The following EPHA6 variants were observed in gnomAD, a reference collection of about 807,000 sequenced individuals.
EPHA6 encodes ephrin type-A receptor 6.
A neutral mutation model predicts 112.0 loss-of-function variants in EPHA6; 50 were observed. That is an observed-to-expected ratio of 0.45 (90% CI 0.36 to 0.56). The LOEUF is 0.56. Ranked by LOEUF, EPHA6 falls within the 20% of genes least tolerant of loss-of-function variation. The pLI is 0.00. For missense variants in EPHA6, 1,280 were observed against 1,417.4 expected (o/e 0.90, Z 1.56); for synonymous variants, 529 against 490.7 (o/e 1.08, Z -1.03).
chr3:97,666,310 T>A (rs576838758), intron 14 of EPHA6, among the ~76,000 whole-genome samples: 119 of 152,300 alleles, frequency 7.8e-4, no homozygotes, highest in South Asian at 3.9e-3. Context: ...TCTATCACTG[T>A]GTTAGTTTGC....
rs988696759 is a variant in EPHA6 at position 97,315,963 on chromosome 3, AAGTCAGGCC to A, written c.1606+71677_1606+71685del. On this transcript the variant is annotated intron_variant, in intron 5 of 17. Transcript: ENST00000389672. ...TATCCCATAAAGCTATCTTTCATTA[AAGTCAGGCC>A]TGTTAGAGCTGTGTCTACGTAAAAA... Among the ~76,000 whole-genome samples the A allele has an allele frequency of 3.5e-4, 53 of 151,946 alleles. 1 individual carries two copies. The highest frequency in any genetic ancestry group is 3.4e-3 in the Middle Eastern group (1 of 294).
At chr3:97,641,767 C>T (rs1289812527) in intron 14 of EPHA6, among the ~76,000 whole-genome samples, 3 of 152,214 alleles carry the variant, frequency 2.0e-5, no homozygotes, top group East Asian at 3.9e-4. Context: ...GATTATATCC[C>T]ACACCTGGCT....
intron 3 of EPHA6, among the ~76,000 whole-genome samples, chr3:97,157,921 G>A (rs769303819): frequency 2.0e-4 from 31 of 152,016 alleles, no homozygotes; most frequent in Non-Finnish European, 4.1e-4. Flanking sequence ...CAAATGTCTA[G>A]GTATTCCATG....
chr3:96,857,682 C>G (rs1264680797), intron 1 of EPHA6, among the ~76,000 whole-genome samples: 8 of 150,906 alleles, frequency 5.3e-5, no homozygotes, highest in Non-Finnish European at 1.2e-4. Flanking sequence ...ATTTTTCCTG[C>G]CCATTTCTCT....
chr3:97,561,203 C>T (rs139878474), intron 11 of EPHA6, among the ~76,000 whole-genome samples: 12 of 152,046 alleles, frequency 7.9e-5, no homozygotes, highest in East Asian at 3.9e-4. Context: ...AAGGAAGAGT[C>T]GCATATCTCT....
chr3:97,202,744 C>G (rs969543097), intron 3 of EPHA6, among the ~76,000 whole-genome samples: 2 of 152,164 alleles, frequency 1.3e-5, no homozygotes, highest in Non-Finnish European at 2.9e-5. Context: ...TCAACAAACA[C>G]TTTCTGAGCA....
At chr3:97,069,838 A>G (rs1443918641) in intron 3 of EPHA6, among the ~76,000 whole-genome samples, 1 of 152,160 alleles carries the variant, frequency 6.6e-6, no homozygotes, top group East Asian at 1.9e-4. Context: ...AAATATTATA[A>G]TTCAACATGT....
chr3:97,470,854 A>C (rs2091209269), intron 7 of EPHA6, among the ~76,000 whole-genome samples: 1 of 151,742 alleles, frequency 6.6e-6, no homozygotes, highest in Admixed American at 6.6e-5. Context: ...GTCCAAGAAT[A>C]CAAGCTAACA....
intron 5 of EPHA6, among the ~76,000 whole-genome samples, chr3:97,355,577 C>T (rs761611758): frequency 2.0e-5 from 3 of 151,982 alleles, no homozygotes; most frequent in Admixed American, 6.6e-5. Context: ...TAGAGAAAAT[C>T]ACCTTCACAA....
At chr3:97,206,466 C>T (rs975224794) in intron 3 of EPHA6, among the ~76,000 whole-genome samples, 10 of 152,014 alleles carry the variant, frequency 6.6e-5, no homozygotes, top group South Asian at 2.1e-4. Flanking sequence ...TATTTGAGTT[C>T]GTTTCCTCTC....
intron 3 of EPHA6, among the ~76,000 whole-genome samples, chr3:97,012,626 T>TATGTA (rs537562009): frequency 1.6e-5 from 2 of 124,422 alleles, no homozygotes; most frequent in Admixed American, 9.2e-5. Flanking sequence ...TATATATGTA[T>TATGTA]TTTTTTTTTT....
chr3:97,081,124 A>G (rs1682436312), intron 3 of EPHA6, among the ~76,000 whole-genome samples: 1 of 151,878 alleles, frequency 6.6e-6, no homozygotes, highest in Non-Finnish European at 1.5e-5. Context: ...ATTGGCACTA[A>G]AAAGATGTAA....
At chr3:96,954,064 A>G (rs144797843) in intron 2 of EPHA6, among the ~76,000 whole-genome samples, 1 of 151,796 alleles carries the variant, frequency 6.6e-6, no homozygotes, top group African/African-American at 2.4e-5. Context: ...TGTAAAGATG[A>G]AGTCTTGCTG....
intron 3 of EPHA6, among the ~76,000 whole-genome samples, chr3:97,080,432 C>G (rs1228003610): frequency 1.3e-5 from 2 of 151,994 alleles, no homozygotes; most frequent in Non-Finnish European, 2.9e-5. Flanking sequence ...GGAGAACTCT[C>G]CAAAAGTGCT....
In EPHA6 at chr3:97,680,964, A is replaced by C. The variant is rs79662261; in HGVS notation, c.2785-39297A>C. ...CTCTATCACACACAAGCATAGGAAA[A>C]TATACAAAATTAACATCAGGGTTAA... On this transcript the variant is annotated intron_variant, in intron 14 of 17. Transcript: ENST00000389672. Among the ~76,000 whole-genome samples the C allele has an allele frequency of 9.2e-3, 1,408 of 152,272 alleles. 17 individuals are homozygous for C. The highest frequency in any genetic ancestry group is 0.032 in the African/African-American group (1,334 of 41,560).
intron 5 of EPHA6, among the ~76,000 whole-genome samples, chr3:97,380,094 G>T (rs1364896287): frequency 1.3e-5 from 2 of 152,148 alleles, no homozygotes; most frequent in Admixed American, 1.3e-4. Context: ...GAATCCAGGA[G>T]TAGAGACGAA....
intron 5 of EPHA6, among the ~76,000 whole-genome samples, chr3:97,275,052 C>A (rs1054449643): frequency 6.6e-6 from 1 of 152,068 alleles, no homozygotes; most frequent in African/African-American, 2.4e-5. Context: ...ATTAAAGCAC[C>A]GGCAGCCGCT....
chr3:96,872,392 G>T (rs1192149466), intron 2 of EPHA6, among the ~76,000 whole-genome samples: 2 of 152,034 alleles, frequency 1.3e-5, no homozygotes, highest in Non-Finnish European at 1.5e-5. Context: ...TTTATGGAGG[G>T]TGGCTTCCAA....
At chr3:97,452,103 G>T (rs578247876) in intron 7 of EPHA6, among the ~76,000 whole-genome samples, 1 of 151,704 alleles carries the variant, frequency 6.6e-6, no homozygotes, top group African/African-American at 2.4e-5. Flanking sequence ...TTCTTGACTG[G>T]CTACTTGTGC....
Sources: gnomAD v4.1 joint callset for allele counts (sites outside exome capture counted in the v4.1 genomes callset) on GRCh38, gnomAD v4.1.1 for gene constraint, MANE v1.5 for transcripts, NCBI Gene and HGNC (gene_info 2026-07-23, HGNC 2026-07-21) for gene names.